The following KIAA1217 variants were observed in gnomAD, a reference collection of about 807,000 sequenced individuals.
KIAA1217 encodes sickle tail protein homolog.
A neutral mutation model predicts 163.9 loss-of-function variants in KIAA1217; 88 were observed. The ratio of observed to expected loss-of-function variants is 0.54; its 90% CI spans 0.45 to 0.64. The LOEUF (loss-of-function observed/expected upper bound fraction) is 0.64. Among genes scored for constraint, KIAA1217 ranks in the 30% least tolerant of loss-of-function variants. The pLI, the probability that KIAA1217 is intolerant of heterozygous loss-of-function variation, is 0.00. For synonymous variants in KIAA1217, 903 were observed against 923.1 expected (o/e 0.98, Z 0.39); for missense variants, 2,372 against 2,475.0 (o/e 0.96, Z 0.88).
intron 2 of KIAA1217, among the ~76,000 whole-genome samples, chr10:24,324,084 T>G (rs962201580): frequency 6.6e-6 from 1 of 150,994 alleles, no homozygotes; most frequent in Non-Finnish European, 1.5e-5. Context: ...CTGGGCAGTA[T>G]AGCGAGACCT....
intron 2 of KIAA1217, among the ~76,000 whole-genome samples, chr10:24,066,353 C>T (rs1479242728): frequency 6.6e-6 from 1 of 152,148 alleles, no homozygotes; most frequent in Non-Finnish European, 1.5e-5. Context: ...GACAAAATCT[C>T]TCAGCATTTG....
intron 1 of KIAA1217, among the ~76,000 whole-genome samples, chr10:23,878,641 G>T (rs1367742080): frequency 6.6e-6 from 1 of 151,848 alleles, no homozygotes; most frequent in Non-Finnish European, 1.5e-5. Context: ...ATGAGGAGAG[G>T]GTGCTATTTT....
chr10:24,533,443 C>T (rs1015203613), intron 16 of KIAA1217, among the ~76,000 whole-genome samples: 1 of 152,250 alleles, frequency 6.6e-6, no homozygotes, highest in Non-Finnish European at 1.5e-5. Flanking sequence ...CAAGGAATGA[C>T]CATTTCACAA....
At chr10:23,788,486 G>T (rs1042690951) in intron 1 of KIAA1217, among the ~76,000 whole-genome samples, 3 of 152,130 alleles carry the variant, frequency 2.0e-5, no homozygotes, top group African/African-American at 7.2e-5. Context: ...TAGACATAAG[G>T]TTTCCAAAAA....
At chr10:24,235,722 A>C (rs763616260) in intron 2 of KIAA1217, among the ~76,000 whole-genome samples, 2 of 152,056 alleles carry the variant, frequency 1.3e-5, no homozygotes, top group East Asian at 1.9e-4. Context: ...TGCTTCTCCA[A>C]GGCTGCTGCT....
chr10:24,219,772 C>G lies in KIAA1217; in HGVS notation c.217C>G (p.Arg73Gly), dbSNP rs138853775. 6.2e-7 allele frequency: 1 copy of G among 1,613,738 alleles called. No homozygotes were observed. The highest frequency in any genetic ancestry group is 1.3e-5 in the African/African-American group (1 of 74,870). ...IPRRHTLGGPRSSKEILGMQT... is the reference protein window; with the variant it reads ...IPRRHTLGGPGSSKEILGMQT... ...AAGGAGACACACCCTAGGGGGGCCCCGAAGTTCCAAGGAAATACTGGGAAT... is the reference window on the plus strand; with the variant it reads ...AAGGAGACACACCCTAGGGGGGCCCGGAAGTTCCAAGGAAATACTGGGAAT... Residue 73 changes from arginine (R) to glycine (G), a missense_variant, in exon 2 of 21, where the codon CGA (arginine) becomes GGA (glycine). By Grantham distance (125) the Arg-to-Gly change is moderately radical. Transcript: ENST00000376454.
chr10:24,296,822 G>A (rs1421954003), intron 2 of KIAA1217, among the ~76,000 whole-genome samples: 1 of 152,166 alleles, frequency 6.6e-6, no homozygotes, highest in Non-Finnish European at 1.5e-5. Flanking sequence ...GCTAAATACA[G>A]ATTATGTGCA....
At chr10:23,919,547 A>G (rs1384475262) in intron 1 of KIAA1217, among the ~76,000 whole-genome samples, 1 of 144,538 alleles carries the variant, frequency 6.9e-6, no homozygotes, top group Non-Finnish European at 1.5e-5. Context: ...CAGAGATTGC[A>G]GTAGGTCGAT....
chr10:23,780,587 A>G (rs1835212345), intron 1 of KIAA1217, among the ~76,000 whole-genome samples: 2 of 152,212 alleles, frequency 1.3e-5, no homozygotes, highest in African/African-American at 4.8e-5. Flanking sequence ...TGCTGTTGCA[A>G]AAGGCAAGAT....
intron 2 of KIAA1217, among the ~76,000 whole-genome samples, chr10:24,341,768 A>G (rs1368975568): frequency 6.6e-6 from 1 of 152,198 alleles, no homozygotes; most frequent in Non-Finnish European, 1.5e-5. Context: ...ATAGCCTTAG[A>G]CAAGCCATTG....
At chr10:23,752,880 T>C (rs1839816572) in intron 1 of KIAA1217, among the ~76,000 whole-genome samples, 3 of 152,282 alleles carry the variant, frequency 2.0e-5, no homozygotes, top group Middle Eastern at 6.8e-3. Context: ...AAGCTACACA[T>C]ACTACAATTT....
At chr10:24,207,523 T>C (rs1213589666), upstream of KIAA1217, among the ~76,000 whole-genome samples, 1 of 152,164 alleles carries the variant, frequency 6.6e-6, no homozygotes, top group African/African-American at 2.4e-5. Context: ...GGACAGAAAC[T>C]GTGTAAGATT....
At chr10:23,698,489 A>G (rs753578409) in intron 1 of KIAA1217, among the ~76,000 whole-genome samples, 36 of 152,206 alleles carry the variant, frequency 2.4e-4, no homozygotes, top group Admixed American at 3.9e-4. Context: ...AATTTGAGTG[A>G]GTCTTGAAAT....
intron 1 of KIAA1217, among the ~76,000 whole-genome samples, chr10:23,841,295 A>G (rs1207971379): frequency 2.0e-5 from 3 of 152,188 alleles, no homozygotes; most frequent in African/African-American, 7.2e-5. Flanking sequence ...AAAGAAAAAA[A>G]CAACAACTGT....
intron 3 of KIAA1217, among the ~76,000 whole-genome samples, chr10:24,383,144 G>A (rs777228357): frequency 6.6e-6 from 1 of 152,102 alleles, no homozygotes; most frequent in Non-Finnish European, 1.5e-5. Flanking sequence ...AGCATGTCTG[G>A]CCTGAAACTT....
chr10:23,797,570 G>C (rs1032517556), intron 1 of KIAA1217, among the ~76,000 whole-genome samples: 6 of 152,040 alleles, frequency 3.9e-5, no homozygotes, highest in Non-Finnish European at 8.8e-5. Context: ...AGCGTGGCTG[G>C]GGAGGCCTCA....
At chr10:23,877,693 C>G (rs1840758922) in intron 1 of KIAA1217, among the ~76,000 whole-genome samples, 1 of 151,950 alleles carries the variant, frequency 6.6e-6, no homozygotes, top group African/African-American at 2.4e-5. Flanking sequence ...TTGATAGCTT[C>G]TGAATAAATG....
In KIAA1217 at chr10:24,404,527, A is replaced by G. The variant is rs964826047; in HGVS notation, c.553+23460A>G. Among the ~76,000 whole-genome samples, 16 of 136,918 alleles carry G rather than the reference A, an allele frequency of 1.2e-4. No individual in the cohort carries two copies. In the East Asian group the frequency reaches 3.2e-3, roughly 27 times the overall value. The allele number at this position is 136,918 out of a possible 152,430, so 89.8% of individuals were successfully genotyped here. Reference sequence around the variant, plus strand: ...GGTTGCAGTGAGCTGAGATCACACCACTGCACTCCAGGGTGGGCAACAGAA... The same window carrying G: ...GGTTGCAGTGAGCTGAGATCACACCGCTGCACTCCAGGGTGGGCAACAGAA... On this transcript the variant is annotated intron_variant, in intron 3 of 20. Coordinates refer to ENST00000376454, the MANE Select transcript of KIAA1217 (RefSeq NM_019590.5).
intron 3 of KIAA1217, among the ~76,000 whole-genome samples, chr10:24,432,371 G>A (rs142531828): frequency 5.9e-5 from 9 of 152,190 alleles, no homozygotes; most frequent in Admixed American, 3.3e-4. Flanking sequence ...GCCTGCCTCA[G>A]CCTCCCAAAG....
Sources: allele counts gnomAD v4.1 joint callset (sites outside exome capture counted in the v4.1 genomes callset), GRCh38; gene constraint gnomAD v4.1.1; transcripts MANE v1.5; gene names NCBI Gene and HGNC (gene_info 2026-07-23, HGNC 2026-07-21).